SEPTIN6: variants seen among roughly 807,000 people sequenced by gnomAD.
The protein encoded by SEPTIN6 is septin 6.
Under a neutral mutation model 33.6 loss-of-function variants are expected in SEPTIN6, and 8 were observed. The observed-to-expected ratio is 0.24, with a 90% CI of 0.14 to 0.43. The LOEUF is 0.43. Ranked by LOEUF, SEPTIN6 falls within the 20% of genes least tolerant of loss-of-function variation. SEPTIN6 has a pLI of 1.00. For synonymous variants in SEPTIN6, 131 were observed against 140.0 expected, an observed-to-expected ratio of 0.94 and a Z score of 0.45; for missense variants, 250 against 340.8, an observed-to-expected ratio of 0.73 and a Z score of 2.10.
intron 9 of SEPTIN6, among the ~76,000 whole-genome samples, chrX:119,626,597 C>T (rs993833060): frequency 8.9e-6 from 1 of 111,972 alleles, no homozygotes; most frequent in African/African-American, 3.3e-5. Context: ...GAACTTTATC[C>T]ATCAGGTAAT....
In SEPTIN6 at chrX:119,617,050, G is replaced by C; in HGVS notation, c.*3043C>G. 1 of 939,153 alleles carries C rather than the reference G, an allele frequency of 1.1e-6. No homozygotes were observed. Among genetic ancestry groups the C allele is most frequent in the Admixed American group, 5.2e-5 (1 of 19,105 alleles). 77.4% of individuals were successfully genotyped at this position (939,153 alleles called of 1,213,427 possible). A position where few individuals can be genotyped will look rare whatever the true frequency, so the allele number is the denominator to read the frequency against. ...AAAAACAAGAGCCATCTACACTGCA[G>C]CTAGGGAAAGCAAACTTCTTGGCTT... On this transcript the variant is annotated 3_prime_UTR_variant, in exon 11 of 11. Coordinates refer to ENST00000394610, the MANE Select transcript of SEPTIN6 (RefSeq NM_145799.4).
At chrX:119,687,054 G>C (rs1220185136) in intron 1 of SEPTIN6, among the ~76,000 whole-genome samples, 1 of 110,642 alleles carries the variant, frequency 9.0e-6, no homozygotes, top group Admixed American at 9.6e-5. Context: ...ATAGCACTTC[G>C]GACTAAGTAA....
At chrX:119,641,075 T>G (rs2054153193) in intron 5 of SEPTIN6, among the ~76,000 whole-genome samples, 1 of 112,225 alleles carries the variant, frequency 8.9e-6, no homozygotes, top group Non-Finnish European at 1.9e-5. Flanking sequence ...ACACACAGAT[T>G]ACCAAACTAT....
chrX:119,619,758 C>A lies in SEPTIN6; in HGVS notation c.*335G>T, dbSNP rs2053717377. ...CTGGTGGGAAAGAGTAGCAGATGGG[C>A]CCCCTGACCATGTCACACCTCTGGC... On this transcript the variant is annotated 3_prime_UTR_variant, in exon 11 of 11. Transcript: ENST00000394610. 2.0e-6 allele frequency: 2 copies of A among 997,972 alleles called. No homozygotes were observed. The highest frequency in any genetic ancestry group is 3.3e-5 in the South Asian group (1 of 29,968). 82.2% of individuals were successfully genotyped at this position (997,972 alleles called of 1,213,427 possible).
intron 6 of SEPTIN6, among the ~76,000 whole-genome samples, chrX:119,640,298 C>T (rs1202314636): frequency 2.8e-5 from 3 of 108,133 alleles, no homozygotes; most frequent in Non-Finnish European, 5.7e-5. Flanking sequence ...GGATTACAGG[C>T]GTGAGCCACT....
rs1011979400 is a variant in SEPTIN6 at position 119,619,887 on chromosome X, G to A, written c.*206C>T. On this transcript the variant is annotated 3_prime_UTR_variant, in exon 11 of 11. Transcript: ENST00000394610. ...CATGACTGTTGGCTTCTTGACCAGC[G>A]GCCAGACATCACCCTCAGATTCTCA... The A allele has an allele frequency of 1.0e-5, 11 of 1,095,894 alleles. No homozygotes were observed. The highest frequency in any genetic ancestry group is 1.3e-5 in the Non-Finnish European group (11 of 841,485). The allele number at this position is 1,095,894 out of a possible 1,213,427, so 90.3% of individuals were successfully genotyped here. A position where few individuals can be genotyped will look rare whatever the true frequency, so the allele number is the denominator to read the frequency against.
intron 2 of SEPTIN6, among the ~76,000 whole-genome samples, chrX:119,664,388 C>G (rs1012976575): frequency 1.8e-5 from 2 of 112,045 alleles, no homozygotes; most frequent in African/African-American, 6.5e-5. Context: ...ACAATATACT[C>G]TTACCAATGG....
chrX:119,618,510 G>A lies in SEPTIN6; in HGVS notation c.*1583C>T. On this transcript the variant is annotated 3_prime_UTR_variant, in exon 11 of 11. Coordinates refer to ENST00000394610, the MANE Select transcript of SEPTIN6 (RefSeq NM_145799.4). ...TTGGCATAACCTTGTTTGACTGTGT[G>A]CTTTGAAAGTAAGTGATCAAAAAAA... is the stretch of plus-strand genomic sequence containing the variant. 3.2e-6 allele frequency: 3 copies of A among 934,331 alleles called. No homozygotes were observed. The highest frequency in any genetic ancestry group is 4.0e-6 in the Non-Finnish European group (3 of 751,858). 77.0% of individuals were successfully genotyped at this position (934,331 alleles called of 1,213,427 possible). A position where few individuals can be genotyped will look rare whatever the true frequency, so the allele number is the denominator to read the frequency against.
intron 2 of SEPTIN6, among the ~76,000 whole-genome samples, chrX:119,666,664 G>A (rs1443741107): frequency 9.0e-6 from 1 of 111,614 alleles, no homozygotes; most frequent in African/African-American, 3.3e-5. Flanking sequence ...CCAGAGTGTG[G>A]GGAAATGGTT....
At chrX:119,650,641 G>A (rs1351184731) in intron 4 of SEPTIN6, among the ~76,000 whole-genome samples, 1 of 110,930 alleles carries the variant, frequency 9.0e-6, no homozygotes, top group African/African-American at 3.3e-5. Flanking sequence ...CCAACCCATC[G>A]GGTCTAGTCT....
At chrX:119,670,579 AG>A (rs202158218) in intron 2 of SEPTIN6, among the ~76,000 whole-genome samples, 2,373 of 63,226 alleles carry the variant, frequency 0.038, 124 homozygotes, top group African/African-American at 0.13. Flanking sequence ...AAAAAAAAAA[AG>A]AAGAAGAAGA....
chrX:119,630,922 C>G lies in SEPTIN6; in HGVS notation c.1090-1414G>C, dbSNP rs559232510. On this transcript the variant is annotated intron_variant, in intron 8 of 10. Transcript: ENST00000394610. The stretch of plus-strand genomic sequence containing the variant: ...AAAAAAAAAGAATATTCTGGCATGC[C>G]ATTGTGGTAAGTGGATCAGAGAACA... Among the ~76,000 whole-genome samples, 30 of 109,587 alleles carry G rather than the reference C, an allele frequency of 2.7e-4. No homozygotes were observed. The South Asian group carries it at 0.012, about 42-fold the overall frequency.
intron 3 of SEPTIN6, among the ~76,000 whole-genome samples, chrX:119,654,244 A>G (rs1264474143): frequency 9.0e-6 from 1 of 110,560 alleles, no homozygotes; most frequent in Admixed American, 9.6e-5. Flanking sequence ...TCAGCCCTCT[A>G]TGTCTCTCTT....
At chrX:119,643,189 T>C (rs6646437) in intron 5 of SEPTIN6, among the ~76,000 whole-genome samples, 9 of 110,150 alleles carry the variant, frequency 8.2e-5, no homozygotes, top group Middle Eastern at 4.7e-3. Flanking sequence ...CCCTAAACAC[T>C]TTCTGGGAGG....
intron 7 of SEPTIN6, among the ~76,000 whole-genome samples, chrX:119,635,426 C>G (rs1261680954): frequency 9.0e-6 from 1 of 110,652 alleles, no homozygotes. Flanking sequence ...GGAGCAGAGG[C>G]TCTAGGAAAG....
chrX:119,631,182 CT>C (rs1045034639), intron 8 of SEPTIN6, among the ~76,000 whole-genome samples: 79 of 94,946 alleles, frequency 8.3e-4, no homozygotes, highest in East Asian at 1.3e-3. Flanking sequence ...TTTTTCTTTT[CT>C]TTTTTTTTTT....
chrX:119,633,651 C>T, intron 7 of SEPTIN6, 159 bp from the exon 8 acceptor site: 2 of 621,110 alleles, frequency 3.2e-6, no homozygotes, highest in Non-Finnish European at 4.8e-6. Context: ...TGGCTTGGCC[C>T]ATGACAGCAT....
At chrX:119,648,422 G>A (rs1028125461) in intron 5 of SEPTIN6, among the ~76,000 whole-genome samples, 1 of 111,497 alleles carries the variant, frequency 9.0e-6, no homozygotes, top group African/African-American at 3.3e-5. Flanking sequence ...CACTTCTCGC[G>A]AGGCTCCCGT....
intron 6 of SEPTIN6, among the ~76,000 whole-genome samples, chrX:119,638,468 G>A (rs1029116697): frequency 9.9e-5 from 11 of 111,525 alleles, no homozygotes; most frequent in African/African-American, 3.6e-4. Context: ...TGAACAAGTA[G>A]GAAAAATGGT....
Sources: allele counts gnomAD v4.1 joint callset (sites outside exome capture counted in the v4.1 genomes callset), GRCh38; gene constraint gnomAD v4.1.1; transcripts MANE v1.5; gene names NCBI Gene and HGNC (gene_info 2026-07-23, HGNC 2026-07-21).